Variants in CHD4 observed in about 807,000 individuals in gnomAD.
CHD4 encodes the protein chromodomain helicase DNA binding protein 4.
In CHD4, 35 loss-of-function variants were observed where a neutral mutation model predicts 235.5. The observed-to-expected ratio is 0.15, with a 90% CI of 0.11 to 0.20. The LOEUF is 0.20. CHD4 is among the 10% of genes least tolerant of loss of function. The pLI, the probability that CHD4 is intolerant of heterozygous loss-of-function variation, is 1.00. For synonymous variants in CHD4, 900 were observed against 850.2 expected, an observed-to-expected ratio of 1.06 and a Z score of -1.02; for missense variants, 1,329 against 2,432.3, an observed-to-expected ratio of 0.55 and a Z score of 9.54.
At chr12:6,596,216 T>C in intron 12 of CHD4, 79 bp from the exon 13 acceptor site, 1 of 1,566,696 alleles carries the variant, frequency 6.4e-7, no homozygotes, top group Non-Finnish European at 8.7e-7. Context: ...GGCAATACCG[T>C]TTGTTTCACA....
intron 15 of CHD4, among the ~76,000 whole-genome samples, chr12:6,594,084 C>G (rs181769374): frequency 2.3e-3 from 346 of 152,270 alleles, no homozygotes; most frequent in African/African-American, 7.4e-3. Flanking sequence ...ATCCACCAAC[C>G]TCGGGCTTCC....
chr12:6,573,259 T>G lies in CHD4; in HGVS notation c.5372A>C (p.Gln1791Pro). 1 of 1,566,956 alleles carries G rather than the reference T, an allele frequency of 6.4e-7. No homozygotes were observed. The highest frequency in any genetic ancestry group is 8.6e-7 in the Non-Finnish European group (1 of 1,163,356). ...CAGCTGTTCCTCAATCACCAGAGCT[T>G]GTTCTAAGAGCTGGACAAGGGATAA... ...FLARRFKLLE[Q>P]ALVIEEQLRR... The change falls in exon 38 of 40, where the codon CAA becomes CCA. Residue 1791 changes from glutamine to proline, a missense_variant. Coordinates refer to ENST00000544040, the MANE Select transcript of CHD4 (RefSeq NM_001273.5).
chr12:6,596,211 T>A (rs1321544976), intron 12 of CHD4, 74 bp from the exon 13 acceptor site: 6 of 1,579,304 alleles, frequency 3.8e-6, no homozygotes. Context: ...AAACTGGCAA[T>A]ACCGTTTGTT....
At chr12:6,573,397 GCTCATTCCCACA>G in intron 37 of CHD4, 128 bp from the exon 38 acceptor site, 1 of 670,072 alleles carries the variant, frequency 1.5e-6, no homozygotes, top group Non-Finnish European at 2.3e-6. Context: ...TTCATGGACA[GCTCATTCCCACA>G]CCCAAGTAGT....
chr12:6,593,358 T>A lies in CHD4; in HGVS notation c.2514+58A>T. The A allele has an allele frequency of 6.2e-7, 1 of 1,602,170 alleles. No homozygotes were observed. The highest frequency in any genetic ancestry group is 8.5e-7 in the Non-Finnish European group (1 of 1,170,856). On this transcript the variant is annotated intron_variant, in intron 16 of 39. Coordinates refer to ENST00000544040, the MANE Select transcript of CHD4 (RefSeq NM_001273.5). This position sits in a 1 kb window ranked among gnomAD's most constrained non-coding sequence, Gnocchi z 4.9. ...CACCAGGGACCAGATCACAAGGAGG[T>A]AAACTAAGCCAGAAGCCACAACTCT...
At position 6,570,661 on chromosome 12, in the gene CHD4, T is replaced by TC; in HGVS notation, c.*14_*15insG. The TC allele has an allele frequency of 6.2e-7, 1 of 1,614,086 alleles. No individual in the cohort carries two copies. The highest frequency in any genetic ancestry group is 8.5e-7 in the Non-Finnish European group (1 of 1,179,996). On this transcript the variant is annotated 3_prime_UTR_variant, in exon 40 of 40. Coordinates refer to ENST00000544040, the MANE Select transcript of CHD4 (RefSeq NM_001273.5). ...GGTCACTGCTCAGCGGTGGAGGTGG[T>TC]ATCAGTCTGCATCTTCACTGCTGCT...
chr12:6,581,698 G>A lies in CHD4; in HGVS notation c.4632C>T (p.Ser1544=). ...GSPSPKTPTP[S]TPGDTQPNTP... Reference sequence around the variant, plus strand: ...TGTTGGGCTGCGTGTCCCCTGGAGTGGAGGGTGTAGGAGTTTTTGGGGAGG... The same window carrying A: ...TGTTGGGCTGCGTGTCCCCTGGAGTAGAGGGTGTAGGAGTTTTTGGGGAGG... Residue 1544 remains serine, a synonymous_variant, in exon 31 of 40, where the codon TCC becomes TCT. Transcript: ENST00000544040. 2 of 1,607,206 alleles carry A rather than the reference G, an allele frequency of 1.2e-6. No homozygotes were observed. Among genetic ancestry groups the A allele is most frequent in the Non-Finnish European group, 1.7e-6 (2 of 1,176,382 alleles).
chr12:6,601,018 G>A lies in CHD4; in HGVS notation c.835C>T (p.Arg279Cys), dbSNP rs779549418. 3 of 1,601,780 alleles carry A rather than the reference G, an allele frequency of 1.9e-6. No homozygotes were observed. The highest frequency in any genetic ancestry group is 2.6e-6 in the Non-Finnish European group (3 of 1,175,780). The change falls in exon 7 of 40, where the codon CGT becomes TGT. Residue 279 changes from arginine (R) to cysteine (C), a missense_variant. Around this residue, in one of 26 missense-constraint regions of CHD4, gnomAD observed 160 missense variants for 196.6 expected, o/e 0.81. Transcript: ENST00000544040. Reference sequence around the variant, plus strand: ...TTAGGCTTCTTGGCATCAGGTACACGAGGGCTGCCCTTGGGCTTCCTCCGA... The same window carrying A: ...TTAGGCTTCTTGGCATCAGGTACACAAGGGCTGCCCTTGGGCTTCCTCCGA... Reference protein sequence around the residue: ...NARRKPKGSPRVPDAKKPKPK... With the variant: ...NARRKPKGSPCVPDAKKPKPK...
intron 10 of CHD4, 105 bp from the exon 11 acceptor site, chr12:6,598,530 A>G: frequency 9.9e-7 from 1 of 1,006,734 alleles, no homozygotes; most frequent in Non-Finnish European, 1.4e-6. Flanking sequence ...CTCATTTCAG[A>G]CCTGGAGCAG....
chr12:6,604,392 A>C (rs1391500863), intron 2 of CHD4, among the ~76,000 whole-genome samples: 4 of 152,178 alleles, frequency 2.6e-5, no homozygotes, highest in Non-Finnish European at 5.9e-5. Context: ...GACAGATACT[A>C]GGGAATGAGA....
intron 37 of CHD4, among the ~76,000 whole-genome samples, chr12:6,577,218 G>A (rs1948085927): frequency 6.6e-6 from 1 of 152,110 alleles, no homozygotes; most frequent in African/African-American, 2.4e-5. Flanking sequence ...TCAGGAGTTT[G>A]AGACCAGCCT....
At chr12:6,599,752 C>G in intron 10 of CHD4, 21 bp downstream of exon 10, 6 of 1,610,310 alleles carry the variant, frequency 3.7e-6, no homozygotes, top group Non-Finnish European at 5.1e-6. Flanking sequence ...TTTTTTGCCC[C>G]GGCTGAGATC....
rs918029205 is a variant in CHD4 at position 6,592,924 on chromosome 12, T to C, written c.2653-107A>G. ...GCCCAATAGTTAAGCATCCCACTCC[T>C]CACATTCTTTTTAAAGGCCTGGCCA... is the stretch of plus-strand genomic sequence containing the variant. On this transcript the variant is annotated intron_variant, in intron 17 of 39. Transcript: ENST00000544040. 3.0e-5 allele frequency: 45 copies of C among 1,516,132 alleles called. No homozygotes were observed. The African/African-American group carries it at 4.7e-4, about 16-fold the overall frequency. 93.9% of individuals were successfully genotyped at this position (1,516,132 alleles called of 1,614,324 possible).
In CHD4 at chr12:6,600,577, G is replaced by A. The variant is rs1392204611; in HGVS notation, c.1020C>T (p.Ser340=). The change falls in exon 8 of 40, where the codon AGC becomes AGT. Residue 340 remains serine, a synonymous_variant. Transcript: ENST00000544040. ...TGGTTCGGAGTTTCTTGCGGCTGCG[G>A]CTACTACGGCTGGTGGAACCATCAG... is the stretch of plus-strand genomic sequence containing the variant. ...SVSDGSTSRS[S]RSRKKLRTTK... 6.2e-7 allele frequency: 1 copy of A among 1,614,064 alleles called. No homozygotes were observed. Among genetic ancestry groups the A allele is most frequent in the Admixed American group, 1.7e-5 (1 of 60,012 alleles).
Position 6,591,455 on chromosome 12 carries a change from T to C in CHD4, c.3340+11A>G, listed in dbSNP as rs1293544071. 10 of 1,606,730 alleles carry C rather than the reference T, an allele frequency of 6.2e-6. No homozygotes were observed. Among genetic ancestry groups the C allele is most frequent in the Non-Finnish European group, 8.5e-6 (10 of 1,174,450 alleles). On this transcript the variant is annotated intron_variant, in intron 22 of 39. Transcript: ENST00000544040. ...AGGATTCCTGAAACTAAACAACTCCTTCTCTCTCACCATTGAAGCGGTCAA... is the reference window on the plus strand; with the variant it reads ...AGGATTCCTGAAACTAAACAACTCCCTCTCTCTCACCATTGAAGCGGTCAA...
At chr12:6,576,668 C>A (rs1163179952) in intron 37 of CHD4, among the ~76,000 whole-genome samples, 5 of 151,932 alleles carry the variant, frequency 3.3e-5, no homozygotes, top group Admixed American at 3.3e-4. Flanking sequence ...TGCAGTGGTG[C>A]GATCTCGGCT....
At chr12:6,578,675 C>T (rs750054935) in intron 34 of CHD4, 129 bp from the exon 35 acceptor site, 36 of 1,476,190 alleles carry the variant, frequency 2.4e-5, no homozygotes, top group Non-Finnish European at 2.3e-5. Flanking sequence ...TCTCTCAGAC[C>T]CAGAAAATGG....
At chr12:6,604,924 T>C (rs1321722256) in intron 2 of CHD4, among the ~76,000 whole-genome samples, 3 of 152,114 alleles carry the variant, frequency 2.0e-5, no homozygotes, top group Non-Finnish European at 4.4e-5. Flanking sequence ...CTGTTTCTCA[T>C]GCCCCTCTCA....
chr12:6,592,104 A>G (rs369595705), intron 19 of CHD4, 47 bp from the exon 20 acceptor site: 840 of 1,607,258 alleles, frequency 5.2e-4, no homozygotes, highest in Non-Finnish European at 6.7e-4. Flanking sequence ...GAGCCTTTCA[A>G]TGACTAATAA....
Sources: allele counts gnomAD v4.1 joint callset (sites outside exome capture counted in the v4.1 genomes callset), GRCh38; gene constraint gnomAD v4.1.1; regional missense constraint gnomAD v4.1.1; non-coding constraint Gnocchi (gnomAD v3.1); transcripts MANE v1.5; gene names NCBI Gene and HGNC (gene_info 2026-07-23, HGNC 2026-07-21).